ZFHX3: variants seen among roughly 807,000 people sequenced by gnomAD.
ZFHX3 encodes the protein zinc finger homeobox 3.
ZFHX3 carries 42 observed loss-of-function variants against 279.1 expected under a neutral mutation model. That is an observed-to-expected ratio of 0.15 (90% CI 0.12 to 0.19). The LOEUF (loss-of-function observed/expected upper bound fraction) is 0.19, where lower values mean the gene tolerates loss of function less well. ZFHX3 is among the 10% of genes least tolerant of loss of function. The probability of loss-of-function intolerance (pLI) is 1.00; values close to 1 mark genes in which losing one functional copy is unlikely to be tolerated. For missense variants in ZFHX3, 4,981 were observed against 4,754.0 expected (o/e 1.05, Z -1.40); for synonymous variants, 2,293 against 1,957.8 (o/e 1.17, Z -4.52).
At chr16:72,788,928 C>A in intron 9 of ZFHX3, 80 bp from the exon 10 acceptor site, 1 of 1,493,714 alleles carries the variant, frequency 6.7e-7, no homozygotes, top group African/African-American at 1.4e-5. Flanking sequence ...ACCGGTGTCA[C>A]TGGCACACAG....
intron 2 of ZFHX3, among the ~76,000 whole-genome samples, chr16:73,494,767 C>T (rs1450484170): frequency 1.3e-5 from 2 of 151,454 alleles, no homozygotes; most frequent in African/African-American, 2.4e-5. Flanking sequence ...GGGGTTTCTC[C>T]ACGTTGATCA....
In ZFHX3 at chr16:72,950,514, C is replaced by T. The variant is rs201384272; in HGVS notation, c.3171G>A (p.Leu1057=). The T allele has an allele frequency of 6.2e-7, 1 of 1,614,224 alleles. No homozygotes were observed. Among genetic ancestry groups the T allele is most frequent in the Admixed American group, 1.7e-5 (1 of 60,032 alleles). Residue 1057 remains leucine (L), a synonymous_variant, in exon 3 of 10, where the codon CTG becomes CTA. Transcript: ENST00000268489. ...YYTNSLEKLR[L]HTVNSRHEAS... ...CCTCGTGCCTGGAGTTGACCGTGTG[C>T]AGCCGCAGCTTCTCCAGGCTGTTGG...
chr16:73,572,413 C>T (rs2051751309), intron 2 of ZFHX3, among the ~76,000 whole-genome samples: 1 of 152,196 alleles, frequency 6.6e-6, no homozygotes, highest in African/African-American at 2.4e-5. Flanking sequence ...CAGCTTTCCA[C>T]ACACTTCTCA....
chr16:73,290,075 A>G (rs778138151), intron 4 of ZFHX3, among the ~76,000 whole-genome samples: 28 of 152,186 alleles, frequency 1.8e-4, no homozygotes, highest in Non-Finnish European at 4.1e-4. Context: ...ATACGAACTA[A>G]GAACATAAGC....
intron 1 of ZFHX3, among the ~76,000 whole-genome samples, chr16:73,814,584 T>G (rs1960514637): frequency 6.6e-6 from 1 of 151,582 alleles, no homozygotes; most frequent in African/African-American, 2.4e-5. Flanking sequence ...TTTTTTTTTT[T>G]GAGATGGAGT....
chr16:73,297,524 C>G (rs1210942616), intron 4 of ZFHX3, among the ~76,000 whole-genome samples: 1 of 151,986 alleles, frequency 6.6e-6, no homozygotes, highest in Admixed American at 6.6e-5. Flanking sequence ...GTAGGTAGAC[C>G]TGGTAAATGT....
At chr16:73,542,345 G>A (rs1014965297) in intron 2 of ZFHX3, among the ~76,000 whole-genome samples, 7 of 152,078 alleles carry the variant, frequency 4.6e-5, no homozygotes, top group Non-Finnish European at 1.0e-4. Flanking sequence ...AGTGCGACCT[G>A]AGCATTTCTA....
At chr16:73,392,841 T>TTTTTTG (rs948122169) in intron 3 of ZFHX3, among the ~76,000 whole-genome samples, 6 of 6,562 alleles carry the variant, frequency 9.1e-4, no homozygotes, top group African/African-American at 3.1e-3. Flanking sequence ...TTGTTTTTTG[T>TTTTTTG]TTTTTTGTTT....
At chr16:73,586,045 G>A (rs939605089) in intron 2 of ZFHX3, among the ~76,000 whole-genome samples, 1 of 151,958 alleles carries the variant, frequency 6.6e-6, no homozygotes, top group Non-Finnish European at 1.5e-5. Flanking sequence ...TCTAAACTAA[G>A]AAAATAGACA....
chr16:73,110,011 C>G (rs527456382), intron 7 of ZFHX3, among the ~76,000 whole-genome samples: 1 of 152,074 alleles, frequency 6.6e-6, no homozygotes, highest in East Asian at 1.9e-4. Context: ...GAGGCTGAGG[C>G]GGGCAGATCA....
At chr16:73,431,640 C>G (rs1220803288) in intron 3 of ZFHX3, among the ~76,000 whole-genome samples, 1 of 151,880 alleles carries the variant, frequency 6.6e-6, no homozygotes, top group African/African-American at 2.4e-5. Context: ...GCAGTTAATC[C>G]CAGTTTTTAT....
intron 2 of ZFHX3, among the ~76,000 whole-genome samples, chr16:73,665,958 G>A (rs2052837092): frequency 6.6e-6 from 1 of 151,356 alleles, no homozygotes; most frequent in Non-Finnish European, 1.5e-5. Context: ...TGGGACTACA[G>A]GAGACCACCA....
At chr16:73,771,330 C>G (rs537267652) in intron 1 of ZFHX3, among the ~76,000 whole-genome samples, 1 of 152,114 alleles carries the variant, frequency 6.6e-6, no homozygotes, top group Admixed American at 6.6e-5. Flanking sequence ...GGTGATGGCG[C>G]CCCAACAGCT....
Position 72,990,327 on chromosome 16 carries a change from AAC to A in ZFHX3, c.-49-30135_-49-30134del, listed in dbSNP as rs144982365. Among the ~76,000 whole-genome samples, 579 of 152,302 alleles carry A rather than the reference AAC, an allele frequency of 3.8e-3. 2 individuals are homozygous for A. Among genetic ancestry groups the A allele is most frequent in the African/African-American group, 0.014 (562 of 41,550 alleles). On this transcript the variant is annotated intron_variant, in intron 1 of 9. Transcript: ENST00000268489. ...ACGCATTGTACTTGTGAAGAGAGAG[AAC>A]ACAGAGTTTCGAAACTGCTCTAAAG...
At chr16:73,798,097 C>T (rs1367296129) in intron 1 of ZFHX3, among the ~76,000 whole-genome samples, 1 of 152,108 alleles carries the variant, frequency 6.6e-6, no homozygotes, top group African/African-American at 2.4e-5. Flanking sequence ...ACAGAAACCA[C>T]CGCACTCGGT....
At chr16:73,145,719 G>A (rs916022303) in intron 5 of ZFHX3, among the ~76,000 whole-genome samples, 5 of 152,242 alleles carry the variant, frequency 3.3e-5, no homozygotes, top group African/African-American at 1.2e-4. Flanking sequence ...GGAACTGAGA[G>A]CTATGAGAGG....
chr16:73,133,984 T>A (rs950122625), intron 6 of ZFHX3, among the ~76,000 whole-genome samples: 2 of 152,200 alleles, frequency 1.3e-5, no homozygotes, highest in African/African-American at 4.8e-5. Context: ...CGATACTTAT[T>A]ATGTGCCAAA....
chr16:73,619,710 A>C (rs1397421084), intron 2 of ZFHX3, among the ~76,000 whole-genome samples: 1 of 151,874 alleles, frequency 6.6e-6, no homozygotes, highest in African/African-American at 2.4e-5. Flanking sequence ...CCTCCAGCTC[A>C]AACTGTGCCT....
At chr16:73,511,238 G>C (rs1276130380) in intron 2 of ZFHX3, among the ~76,000 whole-genome samples, 1 of 152,204 alleles carries the variant, frequency 6.6e-6, no homozygotes, top group Non-Finnish European at 1.5e-5. Flanking sequence ...TTCACTCATA[G>C]CAGTGGCCAA....
Sources: gnomAD v4.1 joint callset for allele counts (sites outside exome capture counted in the v4.1 genomes callset) on GRCh38, gnomAD v4.1.1 for gene constraint, MANE v1.5 for transcripts, NCBI Gene and HGNC (gene_info 2026-07-23, HGNC 2026-07-21) for gene names.